RNF20: variants seen among roughly 807,000 people sequenced by gnomAD.
The protein encoded by RNF20 is ring finger protein 20, also known as E3 ubiquitin-protein ligase BRE1A.
Under a neutral mutation model 126.2 loss-of-function variants are expected in RNF20, and 84 were observed. The ratio of observed to expected loss-of-function variants is 0.67; its 90% CI spans 0.56 to 0.80. The LOEUF (loss-of-function observed/expected upper bound fraction) is 0.80. RNF20 is among the 30% of genes least tolerant of loss of function. The probability of loss-of-function intolerance (pLI) is 0.00; values close to 1 mark genes in which losing one functional copy is unlikely to be tolerated. For missense variants in RNF20, 869 were observed against 1,188.2 expected (o/e 0.73, Z 3.95); for synonymous variants, 400 against 414.3 (o/e 0.97, Z 0.42).
At chr9:101,543,580 C>T in intron 5 of RNF20, among the ~76,000 whole-genome samples, 1 of 152,104 alleles carries the variant, frequency 6.6e-6, no homozygotes, top group East Asian at 1.9e-4. Flanking sequence ...TCTAACCTGC[C>T]AGAGCGGCAC....
intron 9 of RNF20, among the ~76,000 whole-genome samples, chr9:101,548,685 CTTA>C: frequency 6.6e-6 from 1 of 152,210 alleles, no homozygotes; most frequent in African/African-American, 2.4e-5. Flanking sequence ...TACATATTTA[CTTA>C]TTATATGTAC....
At position 101,548,695 on chromosome 9, in the gene RNF20, G is replaced by A. The variant is rs547270028; in HGVS notation, c.1092+1177G>A. On this transcript the variant is annotated intron_variant, in intron 9 of 19. Transcript: ENST00000389120. Reference sequence around the variant, plus strand: ...TTACTTACATATTTACTTATTATATGTACTCTGCCTTGCCCTGAAAAGGAT... The same window carrying A: ...TTACTTACATATTTACTTATTATATATACTCTGCCTTGCCCTGAAAAGGAT... Among the ~76,000 whole-genome samples, 69 of 152,116 alleles carry A rather than the reference G, an allele frequency of 4.5e-4. 1 individual carries two copies. The highest frequency in any genetic ancestry group is 4.2e-3 in the Admixed American group (64 of 15,276).
At chr9:101,535,314 G>A (rs1001071771) in intron 1 of RNF20, 84 bp from the exon 2 acceptor site, 3 of 1,031,180 alleles carry the variant, frequency 2.9e-6, no homozygotes, top group Non-Finnish European at 4.2e-6. Flanking sequence ...GGCCAGAAAA[G>A]TTGCTAGTTT....
intron 2 of RNF20, among the ~76,000 whole-genome samples, chr9:101,537,434 A>G (rs1369387087): frequency 1.3e-5 from 2 of 152,182 alleles, no homozygotes; most frequent in East Asian, 1.9e-4. Flanking sequence ...TTTGGGACAT[A>G]TAAGTTTGAG....
At chr9:101,550,121 G>C (rs1262138776) in intron 9 of RNF20, among the ~76,000 whole-genome samples, 1 of 152,144 alleles carries the variant, frequency 6.6e-6, no homozygotes, top group African/African-American at 2.4e-5. Flanking sequence ...TATGAATAAA[G>C]ATGTTTGAAC....
Position 101,535,394 on chromosome 9 carries a change from T to C in RNF20, c.-26-4T>C. The C allele has an allele frequency of 6.2e-7, 1 of 1,602,616 alleles. No homozygotes were observed. Among genetic ancestry groups the C allele is most frequent in the Non-Finnish European group, 8.5e-7 (1 of 1,176,540 alleles). ...ATGTCAGTTTCTGCCTTTTTTTCTA[T>C]CAGGAAAACGACTGTCTTCTTCTGC... On this transcript the variant is annotated splice_polypyrimidine_tract_variant and splice_region_variant and intron_variant, in intron 1 of 19. Transcript: ENST00000389120.
chr9:101,543,985 A>G (rs1827305478), intron 5 of RNF20, among the ~76,000 whole-genome samples: 2 of 152,200 alleles, frequency 1.3e-5, no homozygotes, highest in Non-Finnish European at 2.9e-5. Flanking sequence ...CCTGTTCTGT[A>G]TTGATACTAA....
chr9:101,547,577 TA>T, intron 9 of RNF20, 59 bp downstream of exon 9: 1 of 1,588,448 alleles, frequency 6.3e-7, no homozygotes, highest in South Asian at 1.1e-5. Context: ...AACTCACGTA[TA>T]TACATAGTTG....
At chr9:101,550,820 T>G (rs1193968389) in intron 10 of RNF20, 35 bp downstream of exon 10, 1 of 1,592,986 alleles carries the variant, frequency 6.3e-7, no homozygotes, top group Non-Finnish European at 8.6e-7. Context: ...TATGTAAGCT[T>G]TCTTGCCTCC....
intron 6 of RNF20, among the ~76,000 whole-genome samples, chr9:101,545,391 T>C (rs911973378): frequency 1.3e-5 from 2 of 152,246 alleles, no homozygotes; most frequent in Non-Finnish European, 2.9e-5. Flanking sequence ...AATTTAGTAG[T>C]TGCCATTTAC....
chr9:101,550,553 C>A, intron 9 of RNF20, 53 bp from the exon 10 acceptor site: 2 of 1,493,580 alleles, frequency 1.3e-6, no homozygotes, highest in Non-Finnish European at 1.8e-6. Context: ...TCCTGTCTAG[C>A]GTCTGGGGCA....
Position 101,544,788 on chromosome 9 carries a change from C to G in RNF20, c.650C>G (p.Ala217Gly). ...NSGDNLIVEE[A>G]VQELNSFLAQ... ...CCAGATAATCTGATAGTGGAGGAAG[C>G]AGTGCAGGAGCTGAACTCTTTCCTC... Residue 217 changes from alanine to glycine, a missense_variant, in exon 6 of 20, where the codon GCA becomes GGA. Physicochemically the swap from Ala to Gly is moderately conservative, Grantham distance 60. Transcript: ENST00000389120. The G allele has an allele frequency of 6.2e-7, 1 of 1,604,960 alleles. No homozygotes were observed. Among genetic ancestry groups the G allele is most frequent in the Non-Finnish European group, 8.5e-7 (1 of 1,171,920 alleles).
Position 101,562,495 on chromosome 9 carries a change from T to C in RNF20, c.*73T>C. The C allele has an allele frequency of 7.1e-7, 1 of 1,402,766 alleles. No homozygotes were observed. The highest frequency in any genetic ancestry group is 2.5e-5 in the East Asian group (1 of 40,230). 86.9% of individuals were successfully genotyped at this position (1,402,766 alleles called of 1,614,324 possible). On this transcript the variant is annotated 3_prime_UTR_variant, in exon 20 of 20. Transcript: ENST00000389120. ...TTAACCACCAAACCTCTACCTCTTC[T>C]CTCCTTGACTGTCACCTGTAGGACA... is the stretch of plus-strand genomic sequence containing the variant.
In RNF20 at chr9:101,550,695, G is replaced by T. The variant is rs550434005; in HGVS notation, c.1182G>T (p.Glu394Asp). ...MQSQFSVLYNESLQLKAHLDE... is the reference protein window; with the variant it reads ...MQSQFSVLYNDSLQLKAHLDE... Reference sequence around the variant, plus strand: ...CACAGTTCTCCGTCTTGTATAATGAGAGCCTACAGTTGAAAGCACACTTGG... The same window carrying T: ...CACAGTTCTCCGTCTTGTATAATGATAGCCTACAGTTGAAAGCACACTTGG... The change falls in exon 10 of 20, where the codon GAG (glutamate) becomes GAT (aspartate). Residue 394 changes from glutamate (E) to aspartate (D), a missense_variant. By Grantham distance (45) the Glu-to-Asp change is conservative. Coordinates refer to ENST00000389120, the MANE Select transcript of RNF20 (RefSeq NM_019592.7). 5.6e-6 allele frequency: 9 copies of T among 1,614,154 alleles called. No individual in the cohort carries two copies. The South Asian group carries it at 8.8e-5, about 16-fold the overall frequency.
intron 15 of RNF20, 82 bp downstream of exon 15, chr9:101,554,925 T>G: frequency 8.8e-7 from 1 of 1,139,904 alleles, no homozygotes; most frequent in Non-Finnish European, 1.2e-6. Context: ...ATTTGCTTTT[T>G]TATTTTGGTC....
rs909718761 is a variant in RNF20 at position 101,533,904 on chromosome 9, C to T, written c.-37C>T. The T allele has an allele frequency of 1.4e-4, 22 of 152,488 alleles. No individual in the cohort carries two copies. The highest frequency in any genetic ancestry group is 4.1e-4 in the African/African-American group (17 of 41,586). 9.4% of individuals were successfully genotyped at this position (152,488 alleles called of 1,614,324 possible). A position where few individuals can be genotyped will look rare whatever the true frequency, so the allele number is the denominator to read the frequency against. On this transcript the variant is annotated 5_prime_UTR_variant, in exon 1 of 20. Coordinates refer to ENST00000389120, the MANE Select transcript of RNF20 (RefSeq NM_019592.7). ...TCAGGGGTGAGAGCTGGAATCTCTG[C>T]ACGGGCCTTGGTGAGTAACTGCTGC...
chr9:101,543,818 G>A (rs1323891296), intron 5 of RNF20, among the ~76,000 whole-genome samples: 7 of 152,200 alleles, frequency 4.6e-5, no homozygotes, highest in Admixed American at 1.3e-4. Flanking sequence ...AACCTTGGGA[G>A]TTTTCTGAGC....
At chr9:101,539,562 G>T (rs1165284837) in intron 2 of RNF20, among the ~76,000 whole-genome samples, 1 of 152,144 alleles carries the variant, frequency 6.6e-6, no homozygotes, top group South Asian at 2.1e-4. Context: ...TGGTATATTG[G>T]GTTAAGGGCA....
rs1414454073 is a variant in RNF20 at position 101,552,413 on chromosome 9, C to T, written c.1561C>T (p.Gln521Ter). Residue 521 changes from glutamine to a stop codon, truncating the protein, a stop_gained, in exon 13 of 20, where the codon CAG (glutamine) becomes TAG (stop). Coordinates refer to ENST00000389120, the MANE Select transcript of RNF20 (RefSeq NM_019592.7). LOFTEE classifies it high-confidence loss of function. ...CCTGCGTAGTGGTAGTGCCCTCCTG[C>T]AGTCCCAGTCTAGTACTGAGGACCC... Reference protein sequence around the residue: ...TRLRSGSALLQSQSSTEDPKD... With the variant: ...TRLRSGSALL 1 of 1,605,444 alleles carries T rather than the reference C, an allele frequency of 6.2e-7. No homozygotes were observed. Among genetic ancestry groups the T allele is most frequent in the Non-Finnish European group, 8.5e-7 (1 of 1,174,054 alleles).
Sources: allele counts gnomAD v4.1 joint callset (sites outside exome capture counted in the v4.1 genomes callset), GRCh38; gene constraint gnomAD v4.1.1; transcripts MANE v1.5; gene names NCBI Gene and HGNC (gene_info 2026-07-23, HGNC 2026-07-21).